Variants in ARHGAP15 observed in about 807,000 individuals in gnomAD.
ARHGAP15 encodes rho GTPase-activating protein 15.
A neutral mutation model predicts 63.7 loss-of-function variants in ARHGAP15; 51 were observed. That is an observed-to-expected ratio of 0.80 (90% CI 0.64 to 1.01). The LOEUF is 1.01. Ranked by LOEUF, ARHGAP15 falls within the 50% of genes least tolerant of loss-of-function variation. The pLI is 0.00. For missense variants in ARHGAP15, 560 were observed against 564.6 expected (o/e 0.99, Z 0.08); for synonymous variants, 191 against 193.8 (o/e 0.99, Z 0.12).
chr2:143,582,072 A>G (rs1232284329), intron 11 of ARHGAP15, among the ~76,000 whole-genome samples: 1 of 152,200 alleles, frequency 6.6e-6, no homozygotes, highest in African/African-American at 2.4e-5. Context: ...TAGACGTGAT[A>G]TAAGATGTGC....
chr2:143,228,476 A>C, intron 4 of ARHGAP15, 105 bp from the exon 5 acceptor site: 1 of 600,812 alleles, frequency 1.7e-6, no homozygotes, highest in Middle Eastern at 2.7e-4. Flanking sequence ...AGACTGTTAA[A>C]AATAAAGATG....
chr2:143,507,412 C>A (rs547209730), intron 9 of ARHGAP15, among the ~76,000 whole-genome samples: 72 of 152,282 alleles, frequency 4.7e-4, no homozygotes, highest in African/African-American at 1.7e-3. Flanking sequence ...CTTCTTATTA[C>A]TTCCTATTGA....
intron 9 of ARHGAP15, among the ~76,000 whole-genome samples, chr2:143,513,792 C>G (rs1219150883): frequency 6.6e-6 from 1 of 152,200 alleles, no homozygotes; most frequent in Non-Finnish European, 1.5e-5. Flanking sequence ...GATCAGCTCA[C>G]CTCCTACACC....
At chr2:143,205,255 TA>T (rs71301732) in intron 3 of ARHGAP15, among the ~76,000 whole-genome samples, 1,389 of 85,394 alleles carry the variant, frequency 0.016, 5 homozygotes, top group Non-Finnish European at 0.018. Flanking sequence ...CAGAGAGAGA[TA>T]AAAAAAAAAA....
chr2:143,436,815 T>A, intron 7 of ARHGAP15, 98 bp from the exon 8 acceptor site: 1 of 1,304,388 alleles, frequency 7.7e-7, no homozygotes, highest in Non-Finnish European at 1.1e-6. Context: ...TTACCTTACT[T>A]CAAATTTCCC....
intron 2 of ARHGAP15, among the ~76,000 whole-genome samples, chr2:143,187,303 CT>C (rs1476371756): frequency 2.0e-5 from 3 of 152,194 alleles, no homozygotes; most frequent in Non-Finnish European, 2.9e-5. Flanking sequence ...CCCCACATTC[CT>C]TTGCCTTCTC....
At chr2:143,511,146 G>C (rs1055704897) in intron 9 of ARHGAP15, among the ~76,000 whole-genome samples, 1 of 152,070 alleles carries the variant, frequency 6.6e-6, no homozygotes, top group Non-Finnish European at 1.5e-5. Flanking sequence ...TAACAAAATC[G>C]GTCAAAAAGT....
intron 6 of ARHGAP15, among the ~76,000 whole-genome samples, chr2:143,363,123 A>G (rs1466299847): frequency 6.6e-6 from 1 of 152,210 alleles, no homozygotes; most frequent in South Asian, 2.1e-4. Context: ...CCAACATTCT[A>G]GCTCCATCTC....
intron 1 of ARHGAP15, among the ~76,000 whole-genome samples, chr2:143,132,907 C>G (rs556511387): frequency 6.6e-6 from 1 of 152,152 alleles, no homozygotes; most frequent in East Asian, 1.9e-4. Flanking sequence ...TCAACAGCTA[C>G]TGTATGTTTG....
intron 10 of ARHGAP15, among the ~76,000 whole-genome samples, chr2:143,553,911 C>T (rs1695678529): frequency 6.6e-6 from 1 of 152,074 alleles, no homozygotes; most frequent in South Asian, 2.1e-4. Flanking sequence ...TCAAGACATG[C>T]ACTTGATTTT....
At chr2:143,480,693 T>C (rs1692038095) in intron 8 of ARHGAP15, 1 of 152,182 alleles carries the variant, frequency 6.6e-6, no homozygotes, top group Non-Finnish European at 1.5e-5. Flanking sequence ...AAAAAAGAGA[T>C]ATTAAATGAC....
At chr2:143,757,827 G>T (rs1686633013) in intron 13 of ARHGAP15, among the ~76,000 whole-genome samples, 1 of 151,964 alleles carries the variant, frequency 6.6e-6, no homozygotes. Flanking sequence ...TCTTTAAATG[G>T]TTGGATTTTA....
At chr2:143,749,006 G>C (rs1686271592) in intron 13 of ARHGAP15, among the ~76,000 whole-genome samples, 1 of 151,778 alleles carries the variant, frequency 6.6e-6, no homozygotes, top group Non-Finnish European at 1.5e-5. Context: ...TTGAGAGGGG[G>C]AAAAAAATAC....
At chr2:143,350,662 T>TAA (rs34082157) in intron 6 of ARHGAP15, among the ~76,000 whole-genome samples, 109 of 126,532 alleles carry the variant, frequency 8.6e-4, no homozygotes, top group Non-Finnish European at 1.1e-3. Context: ...TATTAAAAAT[T>TAA]AAAAAAAAAA....
At chr2:143,738,837 A>G (rs1397119443) in intron 13 of ARHGAP15, among the ~76,000 whole-genome samples, 1 of 152,202 alleles carries the variant, frequency 6.6e-6, no homozygotes, top group East Asian at 1.9e-4. Flanking sequence ...AACGCCAACA[A>G]AAGACACTCT....
intron 13 of ARHGAP15, among the ~76,000 whole-genome samples, chr2:143,730,548 G>A (rs1685481170): frequency 6.6e-6 from 1 of 152,108 alleles, no homozygotes; most frequent in Admixed American, 6.5e-5. Context: ...AGTGAACTAA[G>A]CCACTTAGGA....
intron 4 of ARHGAP15, among the ~76,000 whole-genome samples, chr2:143,223,714 C>A (rs1356482146): frequency 1.3e-5 from 2 of 152,158 alleles, no homozygotes; most frequent in Non-Finnish European, 2.9e-5. Context: ...CTTATCTCCC[C>A]CTCTTAGCTC....
intron 11 of ARHGAP15, among the ~76,000 whole-genome samples, chr2:143,593,610 T>C (rs1697399903): frequency 6.6e-6 from 1 of 152,242 alleles, no homozygotes; most frequent in South Asian, 2.1e-4. Flanking sequence ...TTCATAATAC[T>C]GCATTAATTA....
At chr2:143,590,804 T>A (rs1697289944) in intron 11 of ARHGAP15, among the ~76,000 whole-genome samples, 1 of 152,314 alleles carries the variant, frequency 6.6e-6, no homozygotes, top group African/African-American at 2.4e-5. Context: ...AGTGGATATT[T>A]GTTATTGAAT....
Sources: gnomAD v4.1 joint callset for allele counts (sites outside exome capture counted in the v4.1 genomes callset) on GRCh38, gnomAD v4.1.1 for gene constraint, MANE v1.5 for transcripts, NCBI Gene and HGNC (gene_info 2026-07-23, HGNC 2026-07-21) for gene names.